The following FYB1 variants were observed in gnomAD, a reference collection of about 807,000 sequenced individuals.
The protein encoded by FYB1 is FYN-binding protein 1.
FYB1 carries 41 observed loss-of-function variants against 94.1 expected under a neutral mutation model. That is an observed-to-expected ratio of 0.44 (90% CI 0.34 to 0.57). The LOEUF is 0.57. Ranked by LOEUF, FYB1 falls within the 20% of genes least tolerant of loss-of-function variation. The pLI is 0.02. For synonymous variants in FYB1, 367 were observed against 353.2 expected, an observed-to-expected ratio of 1.04 and a Z score of -0.44; for missense variants, 1,050 against 976.8, an observed-to-expected ratio of 1.07 and a Z score of -1.00.
intron 4 of FYB1, among the ~76,000 whole-genome samples, chr5:39,140,440 C>T (rs1742069003): frequency 6.6e-6 from 1 of 152,084 alleles, no homozygotes; most frequent in Non-Finnish European, 1.5e-5. Context: ...ATTTGATTCA[C>T]ATAAGAAAAA....
intron 16 of FYB1, among the ~76,000 whole-genome samples, chr5:39,115,686 A>G (rs1739499217): frequency 6.6e-6 from 1 of 152,156 alleles, no homozygotes; most frequent in Non-Finnish European, 1.5e-5. Flanking sequence ...AGCTATTTTT[A>G]AAAATTAAGA....
chr5:39,249,534 T>C (rs1183113869), intron 1 of FYB1, among the ~76,000 whole-genome samples: 3 of 152,160 alleles, frequency 2.0e-5, no homozygotes, highest in Non-Finnish European at 4.4e-5. Flanking sequence ...GCCAGAAATT[T>C]ACATAATTAG....
intron 1 of FYB1, chr5:39,208,764 G>A (rs1749082123): frequency 6.6e-6 from 1 of 152,150 alleles, no homozygotes; most frequent in Non-Finnish European, 1.5e-5. Context: ...GATGCCTTTT[G>A]TTACTCAAAC....
intron 1 of FYB1, among the ~76,000 whole-genome samples, chr5:39,254,913 A>G (rs1751867915): frequency 6.6e-6 from 1 of 152,184 alleles, no homozygotes; most frequent in African/African-American, 2.4e-5. Flanking sequence ...GATCTGGCAG[A>G]GGGGAAAGTG....
At chr5:39,156,854 A>C (rs10805636) in intron 2 of FYB1, among the ~76,000 whole-genome samples, 88,858 of 151,940 alleles carry the variant, frequency 0.58, 28,993 homozygotes, top group South Asian at 0.73. Flanking sequence ...TAACATCCTC[A>C]AAAGCAAAAA....
At position 39,119,591 on chromosome 5, in the gene FYB1, G is replaced by T; in HGVS notation, c.2182C>A (p.Leu728Ile). The change falls in exon 15 of 19, where the codon CTT (leucine) becomes ATT (isoleucine). Residue 728 changes from leucine to isoleucine, a missense_variant. Coordinates refer to ENST00000512982, the MANE Select transcript of FYB1 (RefSeq NM_001465.6). The part of the protein sequence containing the change: ...VGKAKTEEKD[L>I]KKLKKQEKEE... ...TTTTCCTGCTTTTTTAGCTTCTTAA[G>T]GTCCTTTTCTTCTGTCTTAGCTTTT... The T allele has an allele frequency of 6.5e-7, 1 of 1,549,140 alleles. No homozygotes were observed. The highest frequency in any genetic ancestry group is 8.7e-7 in the Non-Finnish European group (1 of 1,145,894).
chr5:39,153,790 G>A (rs183083273), intron 2 of FYB1, among the ~76,000 whole-genome samples, 186 bp from the exon 3 acceptor site: 24 of 152,124 alleles, frequency 1.6e-4, no homozygotes, highest in Admixed American at 3.9e-4. Flanking sequence ...TATATCTTTT[G>A]TGAGACAGGG....
intron 1 of FYB1, among the ~76,000 whole-genome samples, chr5:39,244,005 T>C (rs1751343160): frequency 6.6e-6 from 1 of 152,216 alleles, no homozygotes; most frequent in South Asian, 2.1e-4. Flanking sequence ...TCCTGAGACT[T>C]TGCTGAAGTT....
chr5:39,131,926 T>C (rs569054001), intron 9 of FYB1, among the ~76,000 whole-genome samples: 1 of 152,198 alleles, frequency 6.6e-6, no homozygotes, highest in South Asian at 2.1e-4. Context: ...TGAAAACATT[T>C]GATGAAGTGA....
rs561024957 is a variant in FYB1, at chr5:39,154,307, C to T, written c.1136-703G>A. 1.1e-4 allele frequency among the ~76,000 whole-genome samples: 17 copies of T among 152,166 alleles called. No homozygotes were observed. In the South Asian group the frequency reaches 2.1e-3, roughly 19 times the overall value. On this transcript the variant is annotated intron_variant, in intron 2 of 18. Transcript: ENST00000512982. ...CTCTTCCTCTCACTCAATCCTCCAT[C>T]GACTTTCTGGTTTCATATATTGGGC...
intron 13 of FYB1, 107 bp downstream of exon 13, chr5:39,124,146 T>G (rs1405324751): frequency 7.8e-6 from 6 of 764,554 alleles, no homozygotes; most frequent in Non-Finnish European, 1.2e-5. Context: ...CACAATTTAT[T>G]ATTTTCAGAG....
intron 2 of FYB1, among the ~76,000 whole-genome samples, chr5:39,182,287 A>ATGTGTGTG: frequency 7.1e-6 from 1 of 140,304 alleles, no homozygotes; most frequent in East Asian, 2.2e-4. Context: ...GTGTGCATGC[A>ATGTGTGTG]TGTGTGTGTG....
intron 1 of FYB1, among the ~76,000 whole-genome samples, chr5:39,209,332 T>G (rs921081585): frequency 7.9e-6 from 1 of 126,926 alleles, no homozygotes; most frequent in African/African-American, 3.3e-5. Context: ...TAAATATGTT[T>G]TTTTTTTTTT....
intron 2 of FYB1, among the ~76,000 whole-genome samples, chr5:39,153,812 T>C (rs909460646): frequency 6.6e-6 from 1 of 152,190 alleles, no homozygotes; most frequent in African/African-American, 2.4e-5. Flanking sequence ...CTAGCTCTGC[T>C]ACCCAGGCTG....
At chr5:39,214,039 A>G (rs763895474) in intron 1 of FYB1, among the ~76,000 whole-genome samples, 12 of 152,224 alleles carry the variant, frequency 7.9e-5, no homozygotes, top group Non-Finnish European at 1.3e-4. Context: ...TAGTTCAAAG[A>G]ACAACAAAAA....
chr5:39,231,884 C>T (rs1750760204), intron 1 of FYB1, among the ~76,000 whole-genome samples: 1 of 151,898 alleles, frequency 6.6e-6, no homozygotes, highest in African/African-American at 2.4e-5. Flanking sequence ...GTGGATGATG[C>T]CTTTGAAGGG....
chr5:39,161,831 C>G (rs1210887566), intron 2 of FYB1, among the ~76,000 whole-genome samples: 1 of 152,200 alleles, frequency 6.6e-6, no homozygotes, highest in Admixed American at 6.5e-5. Context: ...CCTGTACTTA[C>G]TGGCAGTCAC....
intron 8 of FYB1, among the ~76,000 whole-genome samples, 181 bp from the exon 9 acceptor site, chr5:39,134,530 C>G (rs1741489425): frequency 6.6e-6 from 1 of 152,152 alleles, no homozygotes; most frequent in African/African-American, 2.4e-5. Flanking sequence ...AAGTCTAATC[C>G]TGTTGTAGTT....
At chr5:39,176,961 G>A (rs909094816) in intron 2 of FYB1, among the ~76,000 whole-genome samples, 14 of 152,176 alleles carry the variant, frequency 9.2e-5, no homozygotes, top group Non-Finnish European at 1.6e-4. Context: ...CAGAGACTGG[G>A]GGGTTACAAT....
Sources: gnomAD v4.1 joint callset for allele counts (sites outside exome capture counted in the v4.1 genomes callset) on GRCh38, gnomAD v4.1.1 for gene constraint, MANE v1.5 for transcripts, NCBI Gene and HGNC (gene_info 2026-07-23, HGNC 2026-07-21) for gene names.